GPHN: variants seen among roughly 807,000 people sequenced by gnomAD.
The protein encoded by GPHN is gephyrin.
A neutral mutation model predicts 95.5 loss-of-function variants in GPHN; 17 were observed. The ratio of observed to expected loss-of-function variants is 0.18; its 90% CI spans 0.12 to 0.27. The LOEUF is 0.27. GPHN is among the 10% of genes least tolerant of loss of function. The pLI is 1.00. For missense variants in GPHN, 660 were observed against 978.1 expected, an observed-to-expected ratio of 0.67 and a Z score of 4.34; for synonymous variants, 320 against 322.5, an observed-to-expected ratio of 0.99 and a Z score of 0.08.
the GPHN span, among the ~76,000 whole-genome samples, chr14:67,480,093 G>A: frequency 8.5e-5 from 13 of 152,272 alleles, no homozygotes; most frequent in East Asian, 3.9e-4. Context: ...GAATGAACTC[G>A]TACATATACA....
At chr14:66,971,603 A>T (rs2069787203) in intron 9 of GPHN, among the ~76,000 whole-genome samples, 1 of 152,156 alleles carries the variant, frequency 6.6e-6, no homozygotes. Flanking sequence ...TATATTGTTC[A>T]CATTTTTTTA....
chr14:66,538,114 G>A (rs950894622), intron 1 of GPHN, among the ~76,000 whole-genome samples: 7 of 152,300 alleles, frequency 4.6e-5, no homozygotes, highest in African/African-American at 1.4e-4. Flanking sequence ...TTACAGGTGT[G>A]AGCCACCATG....
the GPHN span, chr14:67,573,445 A>G: frequency 9.2e-7 from 1 of 1,085,642 alleles, no homozygotes; most frequent in Non-Finnish European, 1.4e-6. The surrounding 1 kb of genome is among the most constrained non-coding windows in gnomAD (Gnocchi z 4.8). Context: ...ACCCTGGACT[A>G]TGTCAGATGG....
At chr14:67,290,638 T>C in the GPHN span, among the ~76,000 whole-genome samples, 1 of 152,188 alleles carries the variant, frequency 6.6e-6, no homozygotes, top group African/African-American at 2.4e-5. Flanking sequence ...GCTCAAGCAA[T>C]CTGTTCACCT....
chr14:67,448,364 T>C, the GPHN span, among the ~76,000 whole-genome samples: 1 of 152,036 alleles, frequency 6.6e-6, no homozygotes, highest in African/African-American at 2.4e-5. Context: ...ATGGATATCA[T>C]AGCCCATTCT....
At chr14:66,752,594 T>C (rs2058408032) in intron 2 of GPHN, among the ~76,000 whole-genome samples, 1 of 152,066 alleles carries the variant, frequency 6.6e-6, no homozygotes, top group African/African-American at 2.4e-5. Flanking sequence ...TGATGTTGAC[T>C]CCAAACAATT....
intron 16 of GPHN, among the ~76,000 whole-genome samples, chr14:67,116,021 G>C (rs1008250813): frequency 1.3e-5 from 2 of 152,120 alleles, no homozygotes; most frequent in Non-Finnish European, 2.9e-5. Flanking sequence ...ATTTAGATAT[G>C]CAACCTGTGG....
chr14:67,363,494 A>G, the GPHN span, among the ~76,000 whole-genome samples: 12 of 152,300 alleles, frequency 7.9e-5, no homozygotes, highest in Admixed American at 3.9e-4. Flanking sequence ...TAATATATTT[A>G]TGAATAGTTT....
chr14:67,596,295 A>ATTTTT, the GPHN span, among the ~76,000 whole-genome samples: 6,196 of 60,184 alleles, frequency 0.1, 1,270 homozygotes, highest in East Asian at 0.27. Flanking sequence ...CGCCCAGCTA[A>ATTTTT]TTTTTTTTTT....
chr14:66,950,973 A>G lies in GPHN; in HGVS notation c.829-14218A>G, dbSNP rs2068068852. On this transcript the variant is annotated intron_variant, in intron 8 of 22. Transcript: ENST00000478722. ...GAGTTTCACTCTTGTTGCCCAGGCT[A>G]GAGTGCAGTGGCACAGTCTTGGCTA... Among the ~76,000 whole-genome samples the G allele has an allele frequency of 2.0e-5, 3 of 152,132 alleles. No individual in the cohort carries two copies. In the South Asian group the frequency reaches 6.2e-4, roughly 32 times the overall value.
chr14:67,124,145 C>T (rs553026519), intron 17 of GPHN, among the ~76,000 whole-genome samples: 9 of 152,280 alleles, frequency 5.9e-5, no homozygotes, highest in East Asian at 3.9e-4. Context: ...GTGGCTCACA[C>T]CTGTAATCCC....
chr14:67,051,755 G>A lies in GPHN; in HGVS notation c.1007-6894G>A, dbSNP rs2075316499. On this transcript the variant is annotated intron_variant, in intron 10 of 22. Transcript: ENST00000478722. ...AAGGGAAGCCCATCAGACTAACAGT[G>A]GACCTCTCAGCAGAAACCCTACAAG... Among the ~76,000 whole-genome samples the A allele has an allele frequency of 1.3e-5, 2 of 152,184 alleles. 1 individual carries two copies. Among genetic ancestry groups the A allele is most frequent in the South Asian group, 4.1e-4 (2 of 4,836 alleles).
chr14:66,560,502 A>G (rs553148308), intron 1 of GPHN, among the ~76,000 whole-genome samples: 1 of 152,282 alleles, frequency 6.6e-6, no homozygotes, highest in African/African-American at 2.4e-5. Flanking sequence ...CTTTGAAGCC[A>G]TTGTGATTGG....
the GPHN span, among the ~76,000 whole-genome samples, chr14:67,626,581 C>T: frequency 3.3e-5 from 5 of 152,220 alleles, no homozygotes; most frequent in South Asian, 2.1e-4. Flanking sequence ...GGTGCAATCT[C>T]GGCCTCAGCC....
At chr14:67,422,554 C>A in the GPHN span, among the ~76,000 whole-genome samples, 1 of 152,242 alleles carries the variant, frequency 6.6e-6, no homozygotes, top group Non-Finnish European at 1.5e-5. Flanking sequence ...CTGTCCACCA[C>A]AGATCTTTCT....
chr14:67,023,521 A>T (rs755654587), intron 9 of GPHN, 112 bp from the exon 10 acceptor site: 1 of 735,656 alleles, frequency 1.4e-6, no homozygotes, highest in African/African-American at 1.8e-5. Flanking sequence ...CATCTGAAAT[A>T]CTAATATATA....
chr14:67,248,999 G>T, the GPHN span, among the ~76,000 whole-genome samples: 1 of 150,540 alleles, frequency 6.6e-6, no homozygotes, highest in African/African-American at 2.5e-5. Flanking sequence ...GTCTCACTCT[G>T]TCCCCCAGGC....
In GPHN at chr14:67,044,214, G is replaced by A. The variant is rs191865407; in HGVS notation, c.1007-14435G>A. 1.5e-4 allele frequency among the ~76,000 whole-genome samples: 23 copies of A among 152,080 alleles called. No individual in the cohort carries two copies. In the East Asian group the frequency reaches 2.7e-3, roughly 18 times the overall value. ...TAGCCAGGCATGGTGACACATACCCGTAATCCCAGCTACTTGGGAGGCTAA... is the reference window on the plus strand; with the variant it reads ...TAGCCAGGCATGGTGACACATACCCATAATCCCAGCTACTTGGGAGGCTAA... On this transcript the variant is annotated intron_variant, in intron 10 of 22. Coordinates refer to ENST00000478722, the MANE Select transcript of GPHN (RefSeq NM_020806.5).
intron 4 of GPHN, among the ~76,000 whole-genome samples, chr14:66,826,739 G>A (rs190631165): frequency 6.6e-6 from 1 of 152,266 alleles, no homozygotes; most frequent in Admixed American, 6.5e-5. Context: ...GGGCAAGGAG[G>A]TTCCATCCCC....
Sources: gnomAD v4.1 joint callset for allele counts (sites outside exome capture counted in the v4.1 genomes callset) on GRCh38, gnomAD v4.1.1 for gene constraint, Gnocchi (gnomAD v3.1) non-coding constraint, MANE v1.5 for transcripts, NCBI Gene and HGNC (gene_info 2026-07-23, HGNC 2026-07-21) for gene names.